The following CHFR variants were observed in gnomAD, a reference collection of about 807,000 sequenced individuals.
CHFR encodes the protein checkpoint with forkhead and ring finger domains.
A neutral mutation model predicts 87.6 loss-of-function variants in CHFR; 57 were observed. That is an observed-to-expected ratio of 0.65 (90% CI 0.53 to 0.81). CHFR has a LOEUF of 0.81. CHFR is among the 30% of genes least tolerant of loss of function. CHFR has a pLI of 0.00. For missense variants in CHFR, 797 were observed against 865.8 expected, an observed-to-expected ratio of 0.92 and a Z score of 1.00; for synonymous variants, 381 against 359.2, an observed-to-expected ratio of 1.06 and a Z score of -0.69.
At chr12:132,847,205 T>C (rs1423627026) in intron 14 of CHFR, 75 bp from the exon 15 acceptor site, 4 of 1,586,614 alleles carry the variant, frequency 2.5e-6, no homozygotes, top group Non-Finnish European at 3.4e-6. Context: ...AGAGAAAACA[T>C]TTCATAAAAG....
In CHFR at chr12:132,851,730, C is replaced by T. The variant is rs1408464611; in HGVS notation, c.1380G>A (p.Gln460=). The part of the protein sequence containing the change: ...STSVSLTTAV[Q]DYVCPLQGSH... ...TTCCTTGCAGAGGGCACACGTAATC[C>T]TGGACTGCTGAAGCACACGCACATT... Residue 460 remains glutamine (Q), a synonymous_variant, in exon 12 of 18, where the codon CAG becomes CAA. Transcript: ENST00000450056. 2 of 1,612,222 alleles carry T rather than the reference C, an allele frequency of 1.2e-6. No homozygotes were observed. Among genetic ancestry groups the T allele is most frequent in the African/African-American group, 2.7e-5 (2 of 74,862 alleles).
intron 3 of CHFR, among the ~76,000 whole-genome samples, chr12:132,873,420 C>T (rs1170245165): frequency 6.6e-6 from 1 of 152,222 alleles, no homozygotes; most frequent in Non-Finnish European, 1.5e-5. Context: ...CAACACAAAG[C>T]TGACCCTGGA....
chr12:132,846,280 T>TTTTG (rs1950821397), intron 15 of CHFR, among the ~76,000 whole-genome samples: 1 of 123,044 alleles, frequency 8.1e-6, no homozygotes, highest in African/African-American at 2.8e-5. Context: ...TTTTTTTTTT[T>TTTTG]GAGACGGAGT....
intron 2 of CHFR, among the ~76,000 whole-genome samples, chr12:132,884,324 CAGG>C (rs528352347): frequency 1.6e-3 from 239 of 150,454 alleles, no homozygotes; most frequent in African/African-American, 5.4e-3. Flanking sequence ...GAGGCTGAGG[CAGG>C]AGAATTGCTT....
chr12:132,874,509 G>T (rs1442390159), intron 3 of CHFR, among the ~76,000 whole-genome samples: 27 of 136,854 alleles, frequency 2.0e-4, no homozygotes, highest in South Asian at 4.8e-4. Context: ...CAGGTGGGAA[G>T]GCCCAGGACC....
In CHFR at chr12:132,853,582, A is replaced by G; in HGVS notation, c.1230-9T>C. The G allele has an allele frequency of 6.6e-7, 1 of 1,526,438 alleles. No homozygotes were observed. The highest frequency in any genetic ancestry group is 8.8e-7 in the Non-Finnish European group (1 of 1,140,528). 94.6% of individuals were successfully genotyped at this position (1,526,438 alleles called of 1,614,324 possible). A position where few individuals can be genotyped will look rare whatever the true frequency, so the allele number is the denominator to read the frequency against. On this transcript the variant is annotated splice_polypyrimidine_tract_variant and intron_variant, in intron 10 of 17. Coordinates refer to ENST00000450056, the MANE Select transcript of CHFR (RefSeq NM_001161346.2). ...ACACGACGTATGGCTGGCTGCAAGGAAGCACAGGGCCGAGCTGTGTGCAGG... is the reference window on the plus strand; with the variant it reads ...ACACGACGTATGGCTGGCTGCAAGGGAGCACAGGGCCGAGCTGTGTGCAGG...
intron 10 of CHFR, among the ~76,000 whole-genome samples, chr12:132,856,164 G>A (rs770123459): frequency 3.3e-5 from 5 of 152,196 alleles, no homozygotes; most frequent in Admixed American, 6.5e-5. Flanking sequence ...ATGACGAGTC[G>A]AAGCAAAGGG....
At chr12:132,875,549 G>C (rs1373129725) in intron 3 of CHFR, among the ~76,000 whole-genome samples, 3 of 152,106 alleles carry the variant, frequency 2.0e-5, no homozygotes, top group African/African-American at 7.2e-5. Context: ...CTTGAACCCG[G>C]GTGGCGGAGG....
chr12:132,871,008 A>T (rs1951475672), intron 4 of CHFR, among the ~76,000 whole-genome samples: 1 of 152,272 alleles, frequency 6.6e-6, no homozygotes, highest in African/African-American at 2.4e-5. Flanking sequence ...AGGCAGAAGA[A>T]GGTGAAGAAT....
intron 6 of CHFR, among the ~76,000 whole-genome samples, chr12:132,863,435 G>A (rs1245082543): frequency 1.3e-5 from 2 of 152,030 alleles, no homozygotes; most frequent in Non-Finnish European, 2.9e-5. Context: ...GAACCCAGGA[G>A]GCGGAGTTGC....
chr12:132,853,388 G>C, intron 11 of CHFR, 43 bp downstream of exon 11: 1 of 1,455,444 alleles, frequency 6.9e-7, no homozygotes, highest in Non-Finnish European at 9.0e-7. Context: ...CAGCCACAAA[G>C]TGACTCACGC....
At chr12:132,851,023 C>G (rs567446909) in intron 12 of CHFR, among the ~76,000 whole-genome samples, 3 of 149,864 alleles carry the variant, frequency 2.0e-5, no homozygotes, top group East Asian at 3.9e-4. Flanking sequence ...CAGGATTTCC[C>G]TCTGTCGCCA....
chr12:132,838,785 A>T lies in CHFR; in HGVS notation c.*2769T>A, dbSNP rs1347634260. 6.6e-6 allele frequency: 1 copy of T among 152,274 alleles called. No individual in the cohort carries two copies. The highest frequency in any genetic ancestry group is 6.5e-5 in the Admixed American group (1 of 15,282). 9.4% of individuals were successfully genotyped at this position (152,274 alleles called of 1,614,324 possible). A position where few individuals can be genotyped will look rare whatever the true frequency, so the allele number is the denominator to read the frequency against. ...GGTCTTGAGGACGAGGAAGTACAGA[A>T]GCTCATGAAAAGACGGAATGAGTTC... On this transcript the variant is annotated 3_prime_UTR_variant, in exon 18 of 18. Transcript: ENST00000450056.
At chr12:132,872,087 G>T (rs1053099571) in intron 4 of CHFR, 198 bp downstream of exon 4, 2 of 524,628 alleles carry the variant, frequency 3.8e-6, no homozygotes, top group Admixed American at 3.4e-5. Flanking sequence ...CCTGAGGAAT[G>T]GCTGGGCTCA....
In CHFR at chr12:132,877,548, T is replaced by C. The variant is rs1566203094; in HGVS notation, c.233+7A>G. The C allele has an allele frequency of 3.1e-6, 5 of 1,588,700 alleles. No individual in the cohort carries two copies. Among genetic ancestry groups the C allele is most frequent in the South Asian group, 2.2e-5 (2 of 89,616 alleles). ...GAAACACCAAAAGAAGCTCAGAACA[T>C]ACTCACCTGGTATCTTCCAGTGTCA... On this transcript the variant is annotated splice_region_variant and intron_variant, in intron 3 of 17. Transcript: ENST00000450056.
intron 6 of CHFR, among the ~76,000 whole-genome samples, chr12:132,869,295 G>C (rs1361390100): frequency 6.6e-6 from 1 of 151,996 alleles, no homozygotes; most frequent in Non-Finnish European, 1.5e-5. Context: ...TTTCCTTTTC[G>C]TGTCAATGAG....
At chr12:132,846,929 T>C (rs1157529495) in intron 15 of CHFR, 114 bp downstream of exon 15, 2 of 746,476 alleles carry the variant, frequency 2.7e-6, no homozygotes, top group African/African-American at 3.5e-5. Context: ...CAGGATCTTT[T>C]TCCTCTCTTC....
At chr12:132,868,258 G>A (rs1825737051) in intron 6 of CHFR, among the ~76,000 whole-genome samples, 3 of 152,210 alleles carry the variant, frequency 2.0e-5, no homozygotes, top group Admixed American at 1.3e-4. Context: ...TTGGGAGGCC[G>A]ATCGGACAGA....
At chr12:132,845,039 A>G (rs1364990402) in intron 15 of CHFR, among the ~76,000 whole-genome samples, 2 of 151,960 alleles carry the variant, frequency 1.3e-5, no homozygotes, top group African/African-American at 4.8e-5. Context: ...CACAGAGGAA[A>G]GGATTTGTAC....
Sources: gnomAD v4.1 joint callset for allele counts (sites outside exome capture counted in the v4.1 genomes callset) on GRCh38, gnomAD v4.1.1 for gene constraint, MANE v1.5 for transcripts, NCBI Gene and HGNC (gene_info 2026-07-23, HGNC 2026-07-21) for gene names.